ANKRD33B: variants seen among roughly 807,000 people sequenced by gnomAD.
The protein encoded by ANKRD33B is ankyrin repeat domain-containing protein 33B.
Under a neutral mutation model 21.5 loss-of-function variants are expected in ANKRD33B, and 6 were observed. The ratio of observed to expected loss-of-function variants is 0.28; its 90% CI spans 0.15 to 0.55. The LOEUF is 0.55. Among genes scored for constraint, ANKRD33B ranks in the 20% least tolerant of loss-of-function variants. The pLI is 0.94. For synonymous variants in ANKRD33B, 347 were observed against 342.4 expected (o/e 1.01, Z -0.15); for missense variants, 698 against 747.2 (o/e 0.93, Z 0.77).
chr5:10,618,209 C>T lies in ANKRD33B; in HGVS notation c.367-124C>T, dbSNP rs186984111. On this transcript the variant is annotated intron_variant, in intron 1 of 3. Transcript: ENST00000296657. ...TAAACCATCTCTGAGAATTGGGACT[C>T]CAGGTCCCTGTCATTGCCTTGTCCA... 286 of 1,308,466 alleles carry T rather than the reference C, an allele frequency of 2.2e-4. 2 individuals are homozygous for T. In the African/African-American group the frequency reaches 3.8e-3, roughly 17 times the overall value. The allele number at this position is 1,308,466 out of a possible 1,614,324, so 81.1% of individuals were successfully genotyped here. A position where few individuals can be genotyped will look rare whatever the true frequency, so the allele number is the denominator to read the frequency against.
In ANKRD33B at chr5:10,638,047, C is replaced by G. The variant is rs542840486; in HGVS notation, c.516C>G (p.Asn172Lys). 3 of 1,537,708 alleles carry G rather than the reference C, an allele frequency of 2.0e-6. No individual in the cohort carries two copies. In the African/African-American group the frequency reaches 4.1e-5, roughly 21 times the overall value. Residue 172 changes from asparagine (N) to lysine (K), a missense_variant, in exon 3 of 4, where the codon AAC (asparagine) becomes AAG (lysine). Coordinates refer to ENST00000296657, the MANE Select transcript of ANKRD33B (RefSeq NM_001164440.2). ...TTACAGGGCACGCTATCATCACTAA[C>G]TACTTGTTGAACTATTTCCCTGGTC... ...AAQAGHAIIT[N>K]YLLNYFPGLD... is the part of the protein sequence containing the mutation.
chr5:10,647,088 T>A (rs756781986), intron 3 of ANKRD33B, among the ~76,000 whole-genome samples: 1 of 152,130 alleles, frequency 6.6e-6, no homozygotes, highest in African/African-American at 2.4e-5. Context: ...ATATGACTAA[T>A]GGGACTTGAA....
At position 10,657,663 on chromosome 5, in the gene ANKRD33B, A is replaced by G. The variant is rs1454800063; in HGVS notation, c.*7550A>G. On this transcript the variant is annotated 3_prime_UTR_variant, in exon 4 of 4. Transcript: ENST00000296657. Reference sequence around the variant, plus strand: ...TCAAAAAGTTAATAATCTTTAAGCTAAATATAATGTGATATGATTCAGAAA... The same window carrying G: ...TCAAAAAGTTAATAATCTTTAAGCTGAATATAATGTGATATGATTCAGAAA... 1 of 152,376 alleles carries G rather than the reference A, an allele frequency of 6.6e-6. No individual in the cohort carries two copies. The highest frequency in any genetic ancestry group is 1.5e-5 in the Non-Finnish European group (1 of 68,044). 9.4% of individuals were successfully genotyped at this position (152,376 alleles called of 1,614,324 possible). A position where few individuals can be genotyped will look rare whatever the true frequency, so the allele number is the denominator to read the frequency against.
Position 10,564,103 on chromosome 5 carries a change from CCCCAGCTCTGGGG to C in ANKRD33B, c.-363_-351del, listed in dbSNP as rs1302488621. Among the ~76,000 whole-genome samples the C allele has an allele frequency of 2.6e-5, 4 of 152,114 alleles. No homozygotes were observed. The highest frequency in any genetic ancestry group is 5.9e-5 in the Non-Finnish European group (4 of 67,990). ...CTTCTGCTTCTCCCGCGCCAGCTGT[CCCCAGCTCTGGGG>C]CAACGCTGCCAGGTGCCCAGTCCCC... is the stretch of plus-strand genomic sequence containing the variant. On this transcript the variant is annotated 5_prime_UTR_variant, in exon 1 of 4. Coordinates refer to ENST00000296657, the MANE Select transcript of ANKRD33B (RefSeq NM_001164440.2).
chr5:10,585,424 G>A (rs762552797), intron 1 of ANKRD33B, among the ~76,000 whole-genome samples: 3 of 152,188 alleles, frequency 2.0e-5, no homozygotes, highest in Admixed American at 6.5e-5. Flanking sequence ...TAACTTAGAC[G>A]TCTTAGGTCT....
intron 3 of ANKRD33B, among the ~76,000 whole-genome samples, chr5:10,639,945 CGTG>C (rs1311320582): frequency 2.0e-5 from 1 of 50,634 alleles, no homozygotes; most frequent in East Asian, 7.9e-4. Context: ...TAGGCGGTGA[CGTG>C]GAGTTGCGCG....
At chr5:10,622,691 C>T (rs746717381) in intron 2 of ANKRD33B, among the ~76,000 whole-genome samples, 5 of 152,236 alleles carry the variant, frequency 3.3e-5, no homozygotes, top group Admixed American at 6.5e-5. Context: ...GGGGAGCAAT[C>T]GATCTATTTC....
In ANKRD33B at chr5:10,649,708, T is replaced by G. The variant is rs1579763008; in HGVS notation, c.1080T>G (p.Asp360Glu). ...GGGGCCCCCAGGCGCAGGAGGAGGA[T>G]GAGGTGGGGGGCGCGGGGCAGCGCG... ...AARGPQAQEE[D>E]EVGGAGQRGR... Residue 360 changes from aspartate (D) to glutamate (E), a missense_variant, in exon 4 of 4, where the codon GAT becomes GAG. Transcript: ENST00000296657. 3.3e-6 allele frequency: 5 copies of G among 1,514,106 alleles called. No homozygotes were observed. The highest frequency in any genetic ancestry group is 1.8e-6 in the Non-Finnish European group (2 of 1,135,162). 93.8% of individuals were successfully genotyped at this position (1,514,106 alleles called of 1,614,324 possible). A position where few individuals can be genotyped will look rare whatever the true frequency, so the allele number is the denominator to read the frequency against.
At chr5:10,568,630 G>A (rs1296626885) in intron 1 of ANKRD33B, among the ~76,000 whole-genome samples, 1 of 152,232 alleles carries the variant, frequency 6.6e-6, no homozygotes, top group African/African-American at 2.4e-5. Context: ...CGCCTCCGGG[G>A]TTCAAGTGAA....
intron 1 of ANKRD33B, among the ~76,000 whole-genome samples, chr5:10,609,915 AC>A (rs1441311701): frequency 2.6e-5 from 4 of 152,304 alleles, no homozygotes; most frequent in Admixed American, 2.6e-4. Flanking sequence ...TCTAAAAAAA[AC>A]AAAACACACA....
In ANKRD33B at chr5:10,653,213, G is replaced by T. The variant is rs1323038080; in HGVS notation, c.*3100G>T. On this transcript the variant is annotated 3_prime_UTR_variant, in exon 4 of 4. Transcript: ENST00000296657. ...CATGCGGCGGGTCCAGGCAGCTCCT[G>T]CAGCTGTGCTCATGGCTGCTGGCCC... is the stretch of plus-strand genomic sequence containing the variant. 6.6e-6 allele frequency: 1 copy of T among 152,538 alleles called. No individual in the cohort carries two copies. The highest frequency in any genetic ancestry group is 1.5e-5 in the Non-Finnish European group (1 of 68,164). 9.4% of individuals were successfully genotyped at this position (152,538 alleles called of 1,614,324 possible).
At chr5:10,633,924 C>T (rs941401798) in intron 2 of ANKRD33B, among the ~76,000 whole-genome samples, 5 of 152,156 alleles carry the variant, frequency 3.3e-5, no homozygotes, top group African/African-American at 1.2e-4. Flanking sequence ...CCTCCTCCCC[C>T]GTTTCCGTGT....
At chr5:10,648,859 G>A (rs1415929516) in intron 3 of ANKRD33B, among the ~76,000 whole-genome samples, 1 of 147,652 alleles carries the variant, frequency 6.8e-6, no homozygotes, top group Non-Finnish European at 1.5e-5. Flanking sequence ...GGCTGGGCAC[G>A]GTGGCTCACG....
At chr5:10,623,930 C>A (rs1736480962) in intron 2 of ANKRD33B, among the ~76,000 whole-genome samples, 2 of 152,066 alleles carry the variant, frequency 1.3e-5, no homozygotes, top group Admixed American at 6.5e-5. Flanking sequence ...GGAAAATGAC[C>A]CCACATGAGC....
rs1737289054 is a variant in ANKRD33B at position 10,649,756 on chromosome 5, G to A, written c.1128G>A (p.Ala376=). 4 of 1,442,662 alleles carry A rather than the reference G, an allele frequency of 2.8e-6. No homozygotes were observed. Among genetic ancestry groups the A allele is most frequent in the South Asian group, 1.4e-5 (1 of 70,748 alleles). The allele number at this position is 1,442,662 out of a possible 1,614,324, so 89.4% of individuals were successfully genotyped here. The change falls in exon 4 of 4, where the codon GCG becomes GCA. Residue 376 remains alanine (A), a synonymous_variant. Transcript: ENST00000296657. The part of the protein sequence containing the change: ...GQRGRTGQED[A]DSREGSPRAG... ...GCGGGCGGACCGGACAGGAGGACGC[G>A]GACTCCCGGGAGGGCTCCCCGAGAG...
In ANKRD33B at chr5:10,599,214, C is replaced by T. The variant is rs115115515; in HGVS notation, c.367-19119C>T. The stretch of plus-strand genomic sequence containing the variant: ...TCAACATAATGGTTTTGAGATTTAG[C>T]CATGTTGTGTGTACCACTAGGTTGC... On this transcript the variant is annotated intron_variant, in intron 1 of 3. Coordinates refer to ENST00000296657, the MANE Select transcript of ANKRD33B (RefSeq NM_001164440.2). Among the ~76,000 whole-genome samples, 1,008 of 152,136 alleles carry T rather than the reference C, an allele frequency of 6.6e-3. 9 individuals are homozygous for T. Among genetic ancestry groups the T allele is most frequent in the African/African-American group, 0.023 (951 of 41,516 alleles).
intron 1 of ANKRD33B, among the ~76,000 whole-genome samples, chr5:10,588,358 C>T (rs535204485): frequency 6.6e-6 from 1 of 152,242 alleles, no homozygotes; most frequent in African/African-American, 2.4e-5. Context: ...TGGATATGTT[C>T]GTTTCTTTAA....
At chr5:10,637,997 A>T in intron 2 of ANKRD33B, 31 bp from the exon 3 acceptor site, 1 of 1,531,106 alleles carries the variant, frequency 6.5e-7, no homozygotes, top group Non-Finnish European at 8.8e-7. Context: ...TGGAAGTGGG[A>T]ACCAATACAC....
chr5:10,640,794 T>C (rs1170234857), intron 3 of ANKRD33B, among the ~76,000 whole-genome samples: 1 of 152,220 alleles, frequency 6.6e-6, no homozygotes, highest in Non-Finnish European at 1.5e-5. Context: ...ACTGTAGAAA[T>C]TTATTGCTCA....
Sources: allele counts gnomAD v4.1 joint callset (sites outside exome capture counted in the v4.1 genomes callset), GRCh38; gene constraint gnomAD v4.1.1; transcripts MANE v1.5; gene names NCBI Gene and HGNC (gene_info 2026-07-23, HGNC 2026-07-21).